Variants in SQLE observed in about 807,000 individuals in gnomAD.
SQLE encodes the protein squalene monooxygenase.
Under a neutral mutation model 60.7 loss-of-function variants are expected in SQLE, and 29 were observed. That is an observed-to-expected ratio of 0.48 (90% CI 0.36 to 0.65). The LOEUF (loss-of-function observed/expected upper bound fraction) is 0.65, where lower values mean the gene tolerates loss of function less well. SQLE is among the 30% of genes least tolerant of loss of function. The pLI is 0.00. For synonymous variants in SQLE, 237 were observed against 246.8 expected, an observed-to-expected ratio of 0.96 and a Z score of 0.37; for missense variants, 605 against 684.1, an observed-to-expected ratio of 0.88 and a Z score of 1.29.
chr8:125,003,786 CTTTTA>C (rs1422744137), intron 2 of SQLE, among the ~76,000 whole-genome samples: 3 of 147,352 alleles, frequency 2.0e-5, no homozygotes, highest in East Asian at 2.0e-4. Flanking sequence ...TACTTAGAAT[CTTTTA>C]TTTAAGCACC....
chr8:125,020,347 A>G (rs1815183392), intron 9 of SQLE, among the ~76,000 whole-genome samples: 1 of 152,174 alleles, frequency 6.6e-6, no homozygotes, highest in South Asian at 2.1e-4. Flanking sequence ...AACTTTATAG[A>G]TATAAGGAAT....
chr8:124,998,634 C>T lies in SQLE; in HGVS notation c.-770C>T, dbSNP rs1335340748. The T allele has an allele frequency of 1.0e-5, 7 of 680,100 alleles. No individual in the cohort carries two copies. The highest frequency in any genetic ancestry group is 1.6e-5 in the Non-Finnish European group (6 of 374,272). 42.1% of individuals were successfully genotyped at this position (680,100 alleles called of 1,614,324 possible). Reference sequence around the variant, plus strand: ...AGGAAGCCGTCGGGAGCCGCCGCCGCCATCTGAGGGAGGTACCCTGGAAAC... The same window carrying T: ...AGGAAGCCGTCGGGAGCCGCCGCCGTCATCTGAGGGAGGTACCCTGGAAAC... On this transcript the variant is annotated 5_prime_UTR_variant, in exon 1 of 11. Coordinates refer to ENST00000265896, the MANE Select transcript of SQLE (RefSeq NM_003129.4).
Position 124,999,215 on chromosome 8 carries a change from T to A in SQLE, c.-189T>A, listed in dbSNP as rs893264969. ...ACGCCCTATACAACTTGGCTTCACA[T>A]ACTTTTACACTAACTTTATATGATT... On this transcript the variant is annotated 5_prime_UTR_variant, in exon 1 of 11. Coordinates refer to ENST00000265896, the MANE Select transcript of SQLE (RefSeq NM_003129.4). The A allele has an allele frequency of 5.6e-5, 28 of 497,162 alleles. No homozygotes were observed. In the Middle Eastern group the frequency reaches 2.2e-3, roughly 39 times the overall value. The allele number at this position is 497,162 out of a possible 1,614,324, so 30.8% of individuals were successfully genotyped here.
chr8:124,999,356 G>A lies in SQLE; in HGVS notation c.-48G>A. 2.0e-6 allele frequency: 3 copies of A among 1,469,626 alleles called. No homozygotes were observed. The highest frequency in any genetic ancestry group is 2.7e-6 in the Non-Finnish European group (3 of 1,110,834). 91.0% of individuals were successfully genotyped at this position (1,469,626 alleles called of 1,614,324 possible). ...TGGGGAGAACCTTAAACCCACTCGA[G>A]CAGATAATCTCCGCCTTGACCGGTG... On this transcript the variant is annotated 5_prime_UTR_variant, in exon 1 of 11. Transcript: ENST00000265896.
At chr8:125,001,449 GGTGTGTGT>G (rs57946751) in intron 1 of SQLE, among the ~76,000 whole-genome samples, 115 of 137,014 alleles carry the variant, frequency 8.4e-4, no homozygotes, top group African/African-American at 2.7e-3. Context: ...CTCCTTTCAG[GGTGTGTGT>G]GTGTGTGTGT....
intron 7 of SQLE, among the ~76,000 whole-genome samples, chr8:125,012,694 A>G (rs1024599032): frequency 4.6e-5 from 7 of 152,174 alleles, no homozygotes; most frequent in Admixed American, 1.3e-4. Context: ...CTTTTTGGTT[A>G]TTACAAGCAA....
chr8:124,998,885 G>A lies in SQLE; in HGVS notation c.-519G>A. 2.6e-6 allele frequency: 1 copy of A among 381,146 alleles called. No homozygotes were observed. Among genetic ancestry groups the A allele is most frequent in the Non-Finnish European group, 4.7e-6 (1 of 214,090 alleles). The allele number at this position is 381,146 out of a possible 1,614,324, so 23.6% of individuals were successfully genotyped here. The stretch of plus-strand genomic sequence containing the variant: ...GAAGCCTCTGAACCCGCGCCGGCCC[G>A]CAGCCCCCGTGCCTTCCGGCCGCTG... On this transcript the variant is annotated 5_prime_UTR_variant, in exon 1 of 11. Transcript: ENST00000265896.
intron 7 of SQLE, among the ~76,000 whole-genome samples, chr8:125,017,215 G>A (rs1185774200): frequency 1.3e-5 from 2 of 152,076 alleles, no homozygotes; most frequent in Non-Finnish European, 2.9e-5. Flanking sequence ...GTGAGCTCCT[G>A]GGGGCCCAGG....
chr8:125,018,831 G>C (rs1271889633), intron 9 of SQLE, 104 bp downstream of exon 9: 5 of 768,118 alleles, frequency 6.5e-6, no homozygotes, highest in Non-Finnish European at 1.0e-5. Flanking sequence ...AATGTTACCT[G>C]AGTTTGCTAA....
intron 7 of SQLE, among the ~76,000 whole-genome samples, chr8:125,012,088 C>A (rs890544477): frequency 4.6e-5 from 7 of 151,930 alleles, no homozygotes; most frequent in Non-Finnish European, 1.0e-4. Flanking sequence ...TGAGGAACTT[C>A]TAGGTAGATG....
chr8:125,011,781 T>G (rs1815042664), intron 7 of SQLE, 149 bp downstream of exon 7: 2 of 689,688 alleles, frequency 2.9e-6, no homozygotes, highest in African/African-American at 1.8e-5. Context: ...AGTTTTATGA[T>G]CTATTTAGTT....
At chr8:125,002,416 G>A (rs1307172763) in intron 1 of SQLE, among the ~76,000 whole-genome samples, 1 of 152,284 alleles carries the variant, frequency 6.6e-6, no homozygotes, top group East Asian at 1.9e-4. Context: ...AGTGGCTCAC[G>A]CCTGTAATCC....
At chr8:125,020,438 C>T (rs1278602196) in intron 9 of SQLE, among the ~76,000 whole-genome samples, 1 of 152,138 alleles carries the variant, frequency 6.6e-6, no homozygotes, top group Non-Finnish European at 1.5e-5. Flanking sequence ...ATCTTAGAGA[C>T]TGGGAATTTG....
At chr8:125,003,976 C>G (rs556487499) in intron 2 of SQLE, among the ~76,000 whole-genome samples, 39 of 152,190 alleles carry the variant, frequency 2.6e-4, no homozygotes, top group African/African-American at 9.4e-4. Context: ...CTAATCCTAT[C>G]GTGAGAGTCT....
chr8:125,006,258 A>G (rs554945222), intron 3 of SQLE, among the ~76,000 whole-genome samples: 8 of 152,228 alleles, frequency 5.3e-5, no homozygotes, highest in Non-Finnish European at 1.2e-4. Context: ...GTGAAGAAGC[A>G]AGTGGACTTA....
At chr8:125,009,439 T>C in intron 6 of SQLE, 96 bp downstream of exon 6, 1 of 1,219,822 alleles carries the variant, frequency 8.2e-7, no homozygotes, top group Middle Eastern at 2.6e-4. Context: ...CAACCAGATA[T>C]TCTGGAACTG....
chr8:125,013,356 C>CTTTTTCTTTTTT (rs71576761), intron 7 of SQLE, among the ~76,000 whole-genome samples: 32,349 of 134,980 alleles, frequency 0.24, 5,027 homozygotes, highest in African/African-American at 0.41. Context: ...TTTTCTTTTT[C>CTTTTTCTTTTTT]TTTTTTTTTT....
chr8:125,005,727 T>C (rs778084396), intron 3 of SQLE, 22 bp downstream of exon 3: 3 of 1,508,186 alleles, frequency 2.0e-6, no homozygotes, highest in Non-Finnish European at 2.7e-6. Context: ...GTTTCAAATA[T>C]ATAATTACTA....
intron 9 of SQLE, among the ~76,000 whole-genome samples, chr8:125,019,585 C>A (rs982031990): frequency 2.0e-5 from 3 of 152,176 alleles, no homozygotes; most frequent in Middle Eastern, 3.4e-3. Context: ...AACAAACAAA[C>A]AAAAAATTAA....
Sources: allele counts gnomAD v4.1 joint callset (sites outside exome capture counted in the v4.1 genomes callset), GRCh38; gene constraint gnomAD v4.1.1; transcripts MANE v1.5; gene names NCBI Gene and HGNC (gene_info 2026-07-23, HGNC 2026-07-21).